ALPK2: variants seen among roughly 807,000 people sequenced by gnomAD.
ALPK2 encodes the protein alpha kinase 2.
Under a neutral mutation model 163.1 loss-of-function variants are expected in ALPK2, and 127 were observed. The ratio of observed to expected loss-of-function variants is 0.78; its 90% CI spans 0.67 to 0.90. The LOEUF (loss-of-function observed/expected upper bound fraction) is 0.90, where lower values mean the gene tolerates loss of function less well. ALPK2 is among the 40% of genes least tolerant of loss of function. The pLI is 0.00. For synonymous variants in ALPK2, 953 were observed against 959.1 expected, an observed-to-expected ratio of 0.99 and a Z score of 0.12; for missense variants, 2,360 against 2,589.6, an observed-to-expected ratio of 0.91 and a Z score of 1.92.
chr18:58,604,495 C>G (rs551944780), intron 3 of ALPK2, among the ~76,000 whole-genome samples: 5 of 152,210 alleles, frequency 3.3e-5, no homozygotes, highest in African/African-American at 1.2e-4. Context: ...AGCGCGAAGC[C>G]CAAGCATCAG....
At chr18:58,597,842 GT>G (rs1480742323) in intron 3 of ALPK2, among the ~76,000 whole-genome samples, 1 of 152,204 alleles carries the variant, frequency 6.6e-6, no homozygotes, top group African/African-American at 2.4e-5. Flanking sequence ...GGTCACAAGG[GT>G]GGGGCCCTCA....
intron 3 of ALPK2, among the ~76,000 whole-genome samples, chr18:58,591,648 AG>A (rs1356563830): frequency 1.3e-5 from 2 of 152,128 alleles, no homozygotes; most frequent in African/African-American, 4.8e-5. Flanking sequence ...TGGTTGGTGG[AG>A]GGGTGATCAT....
At chr18:58,619,889 A>G (rs1297777905) in intron 1 of ALPK2, among the ~76,000 whole-genome samples, 3 of 152,266 alleles carry the variant, frequency 2.0e-5, no homozygotes, top group Non-Finnish European at 4.4e-5. Flanking sequence ...AAAATTGGAA[A>G]CAACCTAAAT....
chr18:58,614,424 A>G, intron 1 of ALPK2, among the ~76,000 whole-genome samples: 1 of 152,236 alleles, frequency 6.6e-6, no homozygotes, highest in Non-Finnish European at 1.5e-5. Context: ...GCTGGATGAC[A>G]TGGGGCTCCG....
chr18:58,536,321 G>A lies in ALPK2; in HGVS notation c.3866C>T (p.Ala1289Val), dbSNP rs1490181846. The change falls in exon 5 of 13, where the codon GCC becomes GTC. Residue 1289 changes from alanine to valine, a missense_variant. Ala to Val is a moderately conservative substitution (Grantham distance 64). Coordinates refer to ENST00000361673, the MANE Select transcript of ALPK2 (RefSeq NM_052947.4). ...AGCCAATGCTGCTATTTCAGAGGGG[G>A]CCAATTCAGGCACAACAGCATCTGC... ...LKADAVVPEL[A>V]PSEIAALAHS... 1.2e-6 allele frequency: 2 copies of A among 1,614,052 alleles called. No homozygotes were observed. Among genetic ancestry groups the A allele is most frequent in the African/African-American group, 1.3e-5 (1 of 74,928 alleles).
chr18:58,608,070 T>C (rs1347618924), intron 2 of ALPK2, among the ~76,000 whole-genome samples: 3 of 152,238 alleles, frequency 2.0e-5, no homozygotes, highest in Non-Finnish European at 4.4e-5. Context: ...GTTTCTTCTC[T>C]AATTAATTAG....
intron 3 of ALPK2, among the ~76,000 whole-genome samples, chr18:58,588,165 C>T (rs2051996590): frequency 6.6e-6 from 1 of 152,140 alleles, no homozygotes; most frequent in African/African-American, 2.4e-5. Context: ...AACAGGGCTA[C>T]TGAGTTATCA....
At chr18:58,606,092 T>A (rs998206603) in intron 3 of ALPK2, among the ~76,000 whole-genome samples, 54 of 152,214 alleles carry the variant, frequency 3.5e-4, no homozygotes, top group African/African-American at 1.2e-3. Context: ...TATTTACTTA[T>A]TTTTGTGACA....
chr18:58,499,352 T>C (rs979244515), intron 11 of ALPK2, among the ~76,000 whole-genome samples: 1 of 152,164 alleles, frequency 6.6e-6, no homozygotes, highest in African/African-American at 2.4e-5. Flanking sequence ...CCCACTGTTT[T>C]CCACTGTGAG....
chr18:58,494,683 A>G (rs1046720736), intron 12 of ALPK2, among the ~76,000 whole-genome samples: 2 of 152,064 alleles, frequency 1.3e-5, no homozygotes, highest in East Asian at 1.9e-4. Flanking sequence ...CCTTTGCATC[A>G]TGAATGAACT....
chr18:58,622,493 G>T (rs904984313), intron 1 of ALPK2, among the ~76,000 whole-genome samples: 1 of 152,166 alleles, frequency 6.6e-6, no homozygotes, highest in African/African-American at 2.4e-5. Context: ...CAGAGTCCAG[G>T]TTTCTTGACT....
At chr18:58,501,757 T>C (rs539762073) in intron 11 of ALPK2, among the ~76,000 whole-genome samples, 6 of 152,278 alleles carry the variant, frequency 3.9e-5, no homozygotes, top group African/African-American at 1.4e-4. Context: ...ATGGGGATCA[T>C]AATATCTATC....
intron 4 of ALPK2, among the ~76,000 whole-genome samples, chr18:58,541,604 T>C (rs908124505): frequency 1.3e-5 from 2 of 152,244 alleles, no homozygotes; most frequent in African/African-American, 2.4e-5. Context: ...TGACACACAT[T>C]TAGTGACCAT....
At chr18:58,482,372 A>G (rs1304888947) in intron 12 of ALPK2, among the ~76,000 whole-genome samples, 1 of 152,196 alleles carries the variant, frequency 6.6e-6, no homozygotes, top group African/African-American at 2.4e-5. Flanking sequence ...CTATTTTGAT[A>G]AAACACAGAT....
chr18:58,502,177 CACA>C lies in ALPK2; in HGVS notation c.6247+1751_6247+1753del, dbSNP rs1351423407. Among the ~76,000 whole-genome samples, 8 of 113,720 alleles carry C rather than the reference CACA, an allele frequency of 7.0e-5. No homozygotes were observed. The East Asian group carries it at 3.7e-3, about 52-fold the overall frequency. The allele number at this position is 113,720 out of a possible 152,430, so 74.6% of individuals were successfully genotyped here. A position where few individuals can be genotyped will look rare whatever the true frequency, so the allele number is the denominator to read the frequency against. On this transcript the variant is annotated intron_variant, in intron 11 of 12. Coordinates refer to ENST00000361673, the MANE Select transcript of ALPK2 (RefSeq NM_052947.4). ...ACACACACACACACACACACACACACACAAAGAAAAAAAAAAGGAAAGAAAAAA... is the reference window on the plus strand; with the variant it reads ...ACACACACACACACACACACACACACAAGAAAAAAAAAAGGAAAGAAAAAA...
chr18:58,580,848 A>G (rs1014737464), intron 3 of ALPK2: 7 of 325,922 alleles, frequency 2.1e-5, no homozygotes, highest in Admixed American at 9.0e-5. Context: ...GGGTCAGGAC[A>G]TTACCTTATA....
chr18:58,554,748 A>T (rs1194374242), intron 4 of ALPK2, among the ~76,000 whole-genome samples: 1 of 152,168 alleles, frequency 6.6e-6, no homozygotes, highest in East Asian at 1.9e-4. Context: ...TATGCCCATC[A>T]TTGGAACCAG....
At chr18:58,578,742 A>ACGCGCGCACGCGCGCGCACACG (rs758855904) in intron 4 of ALPK2, 72 bp downstream of exon 4, 2 of 1,231,960 alleles carry the variant, frequency 1.6e-6, no homozygotes, top group African/African-American at 2.0e-5. Context: ...AGACACACAC[A>ACGCGCGCACGCGCGCGCACACG]CACACACACA....
chr18:58,508,878 A>G (rs2144117679), intron 10 of ALPK2, among the ~76,000 whole-genome samples: 1 of 137,276 alleles, frequency 7.3e-6, no homozygotes, highest in South Asian at 2.9e-4. Flanking sequence ...TATGTATAAT[A>G]AACTCTTTTT....
Sources: allele counts gnomAD v4.1 joint callset (sites outside exome capture counted in the v4.1 genomes callset), GRCh38; gene constraint gnomAD v4.1.1; transcripts MANE v1.5; gene names NCBI Gene and HGNC (gene_info 2026-07-23, HGNC 2026-07-21).